Variants in ARMCX4 observed in about 807,000 individuals in gnomAD.
ARMCX4 encodes armadillo repeat-containing X-linked protein 4.
In ARMCX4, 3 loss-of-function variants were observed where a neutral mutation model predicts 34.7. That is an observed-to-expected ratio of 0.09 (90% CI 0.04 to 0.22). The LOEUF (loss-of-function observed/expected upper bound fraction) is 0.22, where lower values mean the gene tolerates loss of function less well. Ranked by LOEUF, ARMCX4 falls within the 10% of genes least tolerant of loss-of-function variation. The pLI is 1.00. For missense variants in ARMCX4, 1,448 were observed against 1,720.8 expected, an observed-to-expected ratio of 0.84 and a Z score of 2.81; for synonymous variants, 513 against 632.8, an observed-to-expected ratio of 0.81 and a Z score of 2.84.
chrX:101,508,881 A>G (rs1438064617), intron 8 of ARMCX4, among the ~76,000 whole-genome samples: 3 of 111,003 alleles, frequency 2.7e-5, no homozygotes, highest in African/African-American at 9.8e-5. Context: ...ACATTTCTAC[A>G]TTTCTTATAC....
At chrX:101,445,193 C>G (rs1326611162) in intron 3 of ARMCX4, among the ~76,000 whole-genome samples, 1 of 112,302 alleles carries the variant, frequency 8.9e-6, no homozygotes, top group Non-Finnish European at 1.9e-5. Context: ...TTGGCATTCT[C>G]ATGCCAAAGT....
intron 4 of ARMCX4, among the ~76,000 whole-genome samples, chrX:101,477,177 C>A (rs1424339618): frequency 9.1e-6 from 1 of 109,646 alleles, no homozygotes; most frequent in African/African-American, 3.3e-5. Flanking sequence ...TGGTGGCTCA[C>A]GCCTGTAACC....
In ARMCX4 at chrX:101,490,178, G is replaced by GCAAAGC. The variant is rs2147667950; in HGVS notation, c.1599_1604dup (p.Ala534_Lys535dup). On this transcript the variant is annotated inframe_insertion, in exon 6 of 6. Transcript: ENST00000423738. ...CCTAATACTAGAGGTAAGGCTAGGGGCAAAGCCAAAGCCAAGTGTAAGACA... is the reference window on the plus strand; with the variant it reads ...CCTAATACTAGAGGTAAGGCTAGGGGCAAAGCCAAAGCCAAAGCCAAGTGTAAGACA... 1.7e-6 allele frequency: 2 copies of GCAAAGC among 1,155,656 alleles called. No individual in the cohort carries two copies. Among genetic ancestry groups the GCAAAGC allele is most frequent in the East Asian group, 6.5e-5 (2 of 30,750 alleles).
chrX:101,449,873 A>G (rs782256526), downstream of ARMCX4, among the ~76,000 whole-genome samples: 2 of 111,398 alleles, frequency 1.8e-5, no homozygotes, highest in East Asian at 5.7e-4. Context: ...CTTTCCAGGT[A>G]TTCAAAGGGA....
rs1349909217 is a variant in ARMCX4, at chrX:101,490,324, G to A, written c.1735G>A (p.Gly579Arg). The A allele has an allele frequency of 8.7e-6, 10 of 1,152,919 alleles. No homozygotes were observed. Among genetic ancestry groups the A allele is most frequent in the South Asian group, 3.8e-5 (2 of 52,448 alleles). The part of the protein sequence containing the change: ...RGNPNATSKA[G>R]TKADQRVCGQ... ...CAATCCTAATGCCACTTCTAAAGCC[G>A]GGACTAAGGCAGACCAGAGGGTCTG... is the stretch of plus-strand genomic sequence containing the variant. Residue 579 changes from glycine to arginine, a missense_variant, in exon 6 of 6, where the codon GGG becomes AGG. Gly to Arg is a moderately radical substitution (Grantham distance 125). Coordinates refer to ENST00000423738, the MANE Select transcript of ARMCX4 (RefSeq NM_001256155.3).
At chrX:101,437,489 A>T (rs188275432) in intron 2 of ARMCX4, among the ~76,000 whole-genome samples, 1 of 111,096 alleles carries the variant, frequency 9.0e-6, no homozygotes, top group African/African-American at 3.3e-5. Flanking sequence ...ATCGGTGGTG[A>T]TATCCCCTTT....
rs1556011123 is a variant in ARMCX4 at position 101,494,227 on chromosome X, A to G, written c.5638A>G (p.Arg1880Gly). 12 of 1,152,999 alleles carry G rather than the reference A, an allele frequency of 1.0e-5. No homozygotes were observed. Among genetic ancestry groups the G allele is most frequent in the Non-Finnish European group, 1.4e-5 (12 of 870,833 alleles). ...EAGVESWTLA[R>G]NVGEDELSRE... ...TGGTGTAGAGTCCTGGACCTTGGCT[A>G]GGAATGTGGGAGAGGATGAGCTAAG... Residue 1880 changes from arginine (R) to glycine (G), a missense_variant, in exon 6 of 6, where the codon AGG becomes GGG. Around this residue, in one of 2 missense-constraint regions of ARMCX4, gnomAD observed 1,343 missense variants for 1,540.7 expected, o/e 0.87. Transcript: ENST00000423738.
chrX:101,508,407 A>G (rs1934506044), intron 8 of ARMCX4, among the ~76,000 whole-genome samples: 1 of 111,453 alleles, frequency 9.0e-6, no homozygotes, highest in South Asian at 3.9e-4. Context: ...CCTGGCTCGT[A>G]TATGGCCACC....
chrX:101,490,300 A>G lies in ARMCX4; in HGVS notation c.1711A>G (p.Asn571Asp). The change falls in exon 6 of 6, where the codon AAT becomes GAT. Residue 571 changes from asparagine to aspartate, a missense_variant. Transcript: ENST00000423738. ...LLDSRVDGRG[N>D]PNATSKAGTK... ...TGATTCCAGGGTTGATGGTAGGGGC[A>G]ATCCTAATGCCACTTCTAAAGCCGG... 5 of 1,154,735 alleles carry G rather than the reference A, an allele frequency of 4.3e-6. No individual in the cohort carries two copies. Among genetic ancestry groups the G allele is most frequent in the Non-Finnish European group, 4.6e-6 (4 of 872,451 alleles).
At chrX:101,530,583 T>C (rs1305443221) in intron 11 of ARMCX4, among the ~76,000 whole-genome samples, 1 of 112,120 alleles carries the variant, frequency 8.9e-6, no homozygotes, top group Non-Finnish European at 1.9e-5. Context: ...AGGGGAACAA[T>C]AATTTGAATG....
rs781990211 is a variant in ARMCX4 at position 101,502,942 on chromosome X, C to A, written c.*1178-1995C>A. ...TAATGCTATCCCTCCCCCCTCCCCC[C>A]ACCCCACAACAGGCCCTGGTGTGTG... On this transcript the variant is annotated intron_variant and NMD_transcript_variant, in intron 7 of 12. Coordinates refer to the ARMCX4 transcript ENST00000354842. Among the ~76,000 whole-genome samples the A allele has an allele frequency of 5.9e-5, 4 of 67,904 alleles. No individual in the cohort carries two copies. In the South Asian group the frequency reaches 5.7e-3, roughly 96 times the overall value. The allele number at this position is 67,904 out of a possible 115,157, so 59.0% of individuals were successfully genotyped here.
At chrX:101,432,692 A>G (rs911248624) in intron 2 of ARMCX4, among the ~76,000 whole-genome samples, 11 of 106,465 alleles carry the variant, frequency 1.0e-4, no homozygotes, top group East Asian at 3.0e-4. Flanking sequence ...ATATATACGT[A>G]TATATACACA....
chrX:101,442,907 C>T (rs182253416), intron 2 of ARMCX4, among the ~76,000 whole-genome samples: 7 of 110,466 alleles, frequency 6.3e-5, no homozygotes, highest in African/African-American at 1.3e-4. Flanking sequence ...CTGAGGCGGG[C>T]GGATCACGAG....
intron 4 of ARMCX4, among the ~76,000 whole-genome samples, chrX:101,462,265 C>T (rs985054778): frequency 8.9e-6 from 1 of 111,766 alleles, no homozygotes; most frequent in Non-Finnish European, 1.9e-5. Flanking sequence ...GAGTGAGAGT[C>T]AGGCAGATGA....
rs1288093325 is a variant in ARMCX4 at position 101,520,788 on chromosome X, C to T, written c.*1780+9733C>T. Among the ~76,000 whole-genome samples the T allele has an allele frequency of 5.4e-5, 6 of 110,380 alleles. No homozygotes were observed. In the Admixed American group the frequency reaches 5.8e-4, roughly 11 times the overall value. ...TACAGGATGAGTTTTGAAGTGTTCT[C>T]TTTAAGTTTTTGGAAGAATTTGTGA... On this transcript the variant is annotated intron_variant and NMD_transcript_variant, in intron 11 of 12. Coordinates refer to the ARMCX4 transcript ENST00000354842.
intron 7 of ARMCX4, among the ~76,000 whole-genome samples, chrX:101,503,144 C>T (rs1934347836): frequency 1.8e-5 from 2 of 109,962 alleles, no homozygotes; most frequent in Admixed American, 1.9e-4. Context: ...CATAGTATTC[C>T]ATGGTGTATA....
intron 1 of ARMCX4, chrX:101,418,732 G>C (rs1929047830): frequency 9.0e-6 from 1 of 111,188 alleles, no homozygotes; most frequent in Admixed American, 9.5e-5. Flanking sequence ...TAGGCGGAAG[G>C]GGGCACGCAG....
At chrX:101,432,259 C>A (rs3027568) in intron 2 of ARMCX4, among the ~76,000 whole-genome samples, 1 of 111,338 alleles carries the variant, frequency 9.0e-6, no homozygotes, top group Non-Finnish European at 1.9e-5. Flanking sequence ...TGGACTGAAG[C>A]GAAGATGAGT....
chrX:101,474,975 G>A (rs1933108606), intron 4 of ARMCX4, among the ~76,000 whole-genome samples: 1 of 89,694 alleles, frequency 1.1e-5, no homozygotes. Context: ...TTAGGCAGGA[G>A]AAGGAAGAAA....
Sources: allele counts gnomAD v4.1 joint callset (sites outside exome capture counted in the v4.1 genomes callset), GRCh38; gene constraint gnomAD v4.1.1; regional missense constraint gnomAD v4.1.1; transcripts MANE v1.5; gene names NCBI Gene and HGNC (gene_info 2026-07-23, HGNC 2026-07-21).